Variants in POLRMT observed in about 807,000 individuals in gnomAD.
POLRMT encodes DNA-directed RNA polymerase, mitochondrial.
In POLRMT, 114 loss-of-function variants were observed where a neutral mutation model predicts 132.2. That is an observed-to-expected ratio of 0.86 (90% CI 0.74 to 1.01). The LOEUF (loss-of-function observed/expected upper bound fraction) is 1.01, where lower values mean the gene tolerates loss of function less well. Ranked by LOEUF, POLRMT falls within the 50% of genes least tolerant of loss-of-function variation. The pLI is 0.00. For missense variants in POLRMT, 2,003 were observed against 1,729.1 expected (o/e 1.16, Z -2.81); for synonymous variants, 1,020 against 773.4 (o/e 1.32, Z -5.29).
At chr19:624,188 A>T (rs1003679077) in intron 5 of POLRMT, among the ~76,000 whole-genome samples, 7 of 152,318 alleles carry the variant, frequency 4.6e-5, no homozygotes, top group African/African-American at 1.7e-4. Flanking sequence ...TGAGGACGTC[A>T]CGCTCAGTGG....
intron 11 of POLRMT, 59 bp downstream of exon 11, chr19:620,306 T>A: frequency 6.7e-7 from 1 of 1,489,420 alleles, no homozygotes; most frequent in South Asian, 1.3e-5. Flanking sequence ...CACCCTCAAG[T>A]CGAGCCCCAG....
rs1292420090 is a variant in POLRMT at position 623,508 on chromosome 19, C to T, written c.1236G>A (p.Val412=). The T allele has an allele frequency of 1.2e-6, 2 of 1,613,362 alleles. No individual in the cohort carries two copies. The highest frequency in any genetic ancestry group is 1.7e-5 in the Admixed American group (1 of 60,036). ...KQLHMELASR[V]CVVSVEKPTL... is the part of the protein sequence containing the mutation. ...TGGGCTTCTCCACGGACACCACGCA[C>T]ACCCTGCTGGCCAGCTCCATGTGGA... The change falls in exon 6 of 21, where the codon GTG becomes GTA. Residue 412 remains valine (V), a synonymous_variant. Transcript: ENST00000588649.
Position 622,240 on chromosome 19 carries a change from G to A in POLRMT, c.1760C>T (p.Thr587Met), listed in dbSNP as rs1330642257. The change falls in exon 9 of 21, where the codon ACG becomes ATG. Residue 587 changes from threonine (T) to methionine (M), a missense_variant. Physicochemically the swap from Thr to Met is moderately conservative, Grantham distance 81. Coordinates refer to ENST00000588649, the MANE Select transcript of POLRMT (RefSeq NM_005035.4). ...CTTGTCCAGGCTGCATGGCATCTGC[G>A]TAGCCTGCACCAGCATCTCCGCCAG... ...KLLAEMLVQA[T>M]QMPCSLDKPH... 11 of 1,560,816 alleles carry A rather than the reference G, an allele frequency of 7.0e-6. No individual in the cohort carries two copies. Among genetic ancestry groups the A allele is most frequent in the Non-Finnish European group, 8.7e-6 (10 of 1,154,848 alleles).
intron 5 of POLRMT, among the ~76,000 whole-genome samples, chr19:624,369 T>C (rs939121788): frequency 4.6e-5 from 7 of 152,316 alleles, no homozygotes; most frequent in Admixed American, 2.0e-4. Context: ...TACACTAAAA[T>C]CGCTGAATTA....
chr19:623,742 G>GACT (rs1984816505), intron 5 of POLRMT, 139 bp from the exon 6 acceptor site: 1 of 1,081,146 alleles, frequency 9.2e-7, no homozygotes, highest in African/African-American at 1.6e-5. Context: ...GGGAAAGGCG[G>GACT]GCTGCGGGTA....
In POLRMT at chr19:618,578, T is replaced by A. The variant is rs2144572589; in HGVS notation, c.3332A>T (p.Asn1111Ile). ...GAAGCCGTTCTTCTGCTTACGTGTG[T>A]TGGGCTTTCTGAGGACGGAACAGGT... ...THNGDISRKP[N>I]TRKQKNGFPP... Residue 1111 changes from asparagine to isoleucine, a missense_variant, in exon 17 of 21, where the codon AAC becomes ATC. Asn to Ile is a moderately radical substitution (Grantham distance 149). Coordinates refer to ENST00000588649, the MANE Select transcript of POLRMT (RefSeq NM_005035.4). 2 of 1,612,570 alleles carry A rather than the reference T, an allele frequency of 1.2e-6. No homozygotes were observed. Among genetic ancestry groups the A allele is most frequent in the African/African-American group, 1.3e-5 (1 of 75,012 alleles).
Position 633,156 on chromosome 19 carries a change from T to C in POLRMT, c.89-218A>G, listed in dbSNP as rs1239492054. The C allele has an allele frequency of 2.0e-5, 12 of 590,660 alleles. No homozygotes were observed. In the South Asian group the frequency reaches 3.0e-4, roughly 15 times the overall value. The allele number at this position is 590,660 out of a possible 1,614,324, so 36.6% of individuals were successfully genotyped here. On this transcript the variant is annotated intron_variant, in intron 1 of 20. Transcript: ENST00000588649. Reference sequence around the variant, plus strand: ...ACCGCCGAGAGAGGGTTCCTCGCACTCGAGGTGCAGCAGGTCAAAGGTTAA... The same window carrying C: ...ACCGCCGAGAGAGGGTTCCTCGCACCCGAGGTGCAGCAGGTCAAAGGTTAA...
chr19:619,336 G>A (rs767916781), intron 13 of POLRMT, 40 bp from the exon 14 acceptor site: 8 of 1,588,632 alleles, frequency 5.0e-6, no homozygotes, highest in Non-Finnish European at 6.9e-6. Flanking sequence ...CTCAGGGGCT[G>A]GCCCGTTCAC....
At position 621,785 on chromosome 19, in the gene POLRMT, G is replaced by A. The variant is rs1242790177; in HGVS notation, c.1913C>T (p.Thr638Met). Residue 638 changes from threonine to methionine, a missense_variant, in exon 10 of 21, where the codon ACG (threonine) becomes ATG (methionine). Transcript: ENST00000588649. ...TACATCCACCGCCTCGAAGGTCAGCGTGGGCTCCGCGGCCTTCTCCAGCAG... is the reference window on the plus strand; with the variant it reads ...TACATCCACCGCCTCGAAGGTCAGCATGGGCTCCGCGGCCTTCTCCAGCAG... ...VQLLEKAAEP[T>M]LTFEAVDVPM... 2.5e-6 allele frequency: 4 copies of A among 1,602,262 alleles called. No homozygotes were observed. In the South Asian group the frequency reaches 3.3e-5, roughly 13 times the overall value.
rs1415333629 is a variant in POLRMT, at chr19:617,490, G to A, written c.3582-10C>T. 1 of 1,589,126 alleles carries A rather than the reference G, an allele frequency of 6.3e-7. No homozygotes were observed. The highest frequency in any genetic ancestry group is 8.6e-7 in the Non-Finnish European group (1 of 1,165,284). ...CAAGATCTTCTGGGGCCTGGGGTTG[G>A]AAGCAGGGTGGGGTGAGGCTGAGGC... On this transcript the variant is annotated splice_polypyrimidine_tract_variant and intron_variant, in intron 19 of 20. Transcript: ENST00000588649.
chr19:629,462 GA>G, intron 3 of POLRMT, 77 bp downstream of exon 3: 1 of 1,348,142 alleles, frequency 7.4e-7, no homozygotes, highest in Non-Finnish European at 9.7e-7. Context: ...GGCTAAGAGA[GA>G]AAAGTCCAGT....
intron 13 of POLRMT, 85 bp downstream of exon 13, chr19:619,501 T>G: frequency 6.5e-7 from 1 of 1,544,766 alleles, no homozygotes; most frequent in East Asian, 2.3e-5. Flanking sequence ...GGGCTCCTGC[T>G]GGGAGGCTGG....
At position 617,739 on chromosome 19, in the gene POLRMT, C is replaced by T. The variant is rs771895150; in HGVS notation, c.3495+38G>A. 57 of 1,612,370 alleles carry T rather than the reference C, an allele frequency of 3.5e-5. No individual in the cohort carries two copies. The Middle Eastern group carries it at 4.9e-4, about 14-fold the overall frequency. ...ACCCAACGCCCCAGTGTGGGGGCCCCACCCATGGGTGGACTGAGGCTCAGA... is the reference window on the plus strand; with the variant it reads ...ACCCAACGCCCCAGTGTGGGGGCCCTACCCATGGGTGGACTGAGGCTCAGA... On this transcript the variant is annotated intron_variant, in intron 18 of 20. Transcript: ENST00000588649.
At chr19:627,759 T>TA (rs1045397728) in intron 3 of POLRMT, among the ~76,000 whole-genome samples, 7 of 150,792 alleles carry the variant, frequency 4.6e-5, no homozygotes, top group African/African-American at 1.7e-4. Context: ...AGCCCGTCTC[T>TA]ACTAAAAATA....
At position 619,690 on chromosome 19, in the gene POLRMT, T is replaced by G. The variant is rs1984347659; in HGVS notation, c.2962A>C (p.Lys988Gln). The G allele has an allele frequency of 1.2e-6, 2 of 1,609,194 alleles. No homozygotes were observed. Among genetic ancestry groups the G allele is most frequent in the Non-Finnish European group, 1.7e-6 (2 of 1,178,780 alleles). Reference sequence around the variant, plus strand: ...GTCATCACCGTCTGCTTCACCACCTTGCGGGTGATGAAACCTTCCAGCACC... The same window carrying G: ...GTCATCACCGTCTGCTTCACCACCTGGCGGGTGATGAAACCTTCCAGCACC... ...AQVLEGFITR[K>Q]VVKQTVMTVV... The change falls in exon 13 of 21, where the codon AAG (lysine) becomes CAG (glutamine). Residue 988 changes from lysine (K) to glutamine (Q), a missense_variant. Physicochemically the swap from Lys to Gln is moderately conservative, Grantham distance 53. Coordinates refer to ENST00000588649, the MANE Select transcript of POLRMT (RefSeq NM_005035.4).
chr19:632,927 C>T lies in POLRMT; in HGVS notation c.100G>A (p.Gly34Ser), dbSNP rs1213015998. Residue 34 changes from glycine to serine, a missense_variant, in exon 2 of 21, where the codon GGC becomes AGC. Gly to Ser is a moderately conservative substitution (Grantham distance 56). Coordinates refer to ENST00000588649, the MANE Select transcript of POLRMT (RefSeq NM_005035.4). Reference sequence around the variant, plus strand: ...GAGCTCCTCCTGGGGCCGCAGACGCCACCGGCGGTCCCTGCGGGAAAGACG... The same window carrying T: ...GAGCTCCTCCTGGGGCCGCAGACGCTACCGGCGGTCCCTGCGGGAAAGACG... ...GLPGKEGTAG[G>S]VCGPRRSSSA... 3 of 1,515,328 alleles carry T rather than the reference C, an allele frequency of 2.0e-6. No homozygotes were observed. Among genetic ancestry groups the T allele is most frequent in the Non-Finnish European group, 2.6e-6 (3 of 1,136,282 alleles). 93.9% of individuals were successfully genotyped at this position (1,515,328 alleles called of 1,614,324 possible).
chr19:619,128 T>G lies in POLRMT; in HGVS notation c.3154-18A>C. ...AGCCAGTGCTGTGGGACACAGGCCGTCTCAGGGCAGGGGGCTCAGGCCGGG... is the reference window on the plus strand; with the variant it reads ...AGCCAGTGCTGTGGGACACAGGCCGGCTCAGGGCAGGGGGCTCAGGCCGGG... On this transcript the variant is annotated intron_variant, in intron 14 of 20. Transcript: ENST00000588649. 1 of 1,610,572 alleles carries G rather than the reference T, an allele frequency of 6.2e-7. No individual in the cohort carries two copies. Among genetic ancestry groups the G allele is most frequent in the Non-Finnish European group, 8.5e-7 (1 of 1,178,492 alleles).
rs768907492 is a variant in POLRMT, at chr19:617,240, G to C, written c.*34C>G. The C allele has an allele frequency of 6.2e-7, 1 of 1,610,864 alleles. No homozygotes were observed. Among genetic ancestry groups the C allele is most frequent in the Non-Finnish European group, 8.5e-7 (1 of 1,178,788 alleles). On this transcript the variant is annotated 3_prime_UTR_variant, in exon 21 of 21. Transcript: ENST00000588649. The stretch of plus-strand genomic sequence containing the variant: ...AGTGGCTCCTGGGGGTGGCAAAAGA[G>C]CTTTATTTACACACTGACAAGGCTC...
Position 621,646 on chromosome 19 carries a change from C to T in POLRMT, c.2052G>A (p.Leu684=), listed in dbSNP as rs370751400. 2.2e-3 allele frequency: 3,395 copies of T among 1,536,492 alleles called. 10 individuals carry two copies. The highest frequency in any genetic ancestry group is 2.7e-3 in the Non-Finnish European group (3,086 of 1,144,766). ...GCAGCGCGGTGGGCGGGCAGGTTTC[C>T]AGCAGCTCCTGGTGCTGCGTGGCGC... ...VEGATQHQEL[L]ETCPPTALHG... is the part of the protein sequence containing the mutation. Residue 684 remains leucine (L), a synonymous_variant, in exon 10 of 21, where the codon CTG becomes CTA. Transcript: ENST00000588649.
Sources: allele counts gnomAD v4.1 joint callset (sites outside exome capture counted in the v4.1 genomes callset), GRCh38; gene constraint gnomAD v4.1.1; transcripts MANE v1.5; gene names NCBI Gene and HGNC (gene_info 2026-07-23, HGNC 2026-07-21).